FEM1C: variants seen among roughly 807,000 people sequenced by gnomAD.
FEM1C encodes protein fem-1 homolog C.
Under a neutral mutation model 37.6 loss-of-function variants are expected in FEM1C, and 15 were observed. The observed-to-expected ratio is 0.40, with a 90% CI of 0.27 to 0.61. The LOEUF (loss-of-function observed/expected upper bound fraction) is 0.61. Ranked by LOEUF, FEM1C falls within the 20% of genes least tolerant of loss-of-function variation. The pLI, the probability that FEM1C is intolerant of heterozygous loss-of-function variation, is 0.42. For missense variants in FEM1C, 532 were observed against 749.7 expected (o/e 0.71, Z 3.39); for synonymous variants, 287 against 272.8 (o/e 1.05, Z -0.51).
Position 115,524,519 on chromosome 5 carries a change from A to G in FEM1C, c.1643T>C (p.Ile548Thr). Residue 548 changes from isoleucine to threonine, a missense_variant, in exon 3 of 3, where the codon ATT (isoleucine) becomes ACT (threonine). Coordinates refer to ENST00000274457, the MANE Select transcript of FEM1C (RefSeq NM_020177.3). ...NNHPDIMNLL[I>T]KSGAHFDATN... ...GGCATCAAAATGTGCACCTGATTTAATAAGGAGATTCATGATGTCTGGATG... is the reference window on the plus strand; with the variant it reads ...GGCATCAAAATGTGCACCTGATTTAGTAAGGAGATTCATGATGTCTGGATG... The G allele has an allele frequency of 6.2e-7, 1 of 1,613,282 alleles. No homozygotes were observed. The highest frequency in any genetic ancestry group is 8.5e-7 in the Non-Finnish European group (1 of 1,179,592).
intron 2 of FEM1C, among the ~76,000 whole-genome samples, chr5:115,531,395 T>C (rs1408093757): frequency 3.9e-5 from 6 of 152,168 alleles, no homozygotes; most frequent in Admixed American, 3.9e-4. Flanking sequence ...AAGAAATCTA[T>C]AGTTTCAGAA....
At chr5:115,527,601 C>T (rs1753921267) in intron 2 of FEM1C, among the ~76,000 whole-genome samples, 1 of 152,218 alleles carries the variant, frequency 6.6e-6, no homozygotes, top group South Asian at 2.1e-4. Flanking sequence ...CTCTACTATT[C>T]CCCATGTTTT....
chr5:115,543,698 A>C lies in FEM1C; in HGVS notation c.-190-15T>G. On this transcript the variant is annotated splice_polypyrimidine_tract_variant and intron_variant, in intron 1 of 2. Transcript: ENST00000274457. ...AGGGCACCAAACTAGAGAAAGAAAA[A>C]AAAAGTAGCAGCATTTAATTTTCTA... The C allele has an allele frequency of 7.4e-7, 1 of 1,348,852 alleles. No individual in the cohort carries two copies. Among genetic ancestry groups the C allele is most frequent in the East Asian group, 2.8e-5 (1 of 35,366 alleles). 83.6% of individuals were successfully genotyped at this position (1,348,852 alleles called of 1,614,324 possible).
At position 115,525,575 on chromosome 5, in the gene FEM1C, T is replaced by C; in HGVS notation, c.587A>G (p.Asp196Gly). 1.2e-6 allele frequency: 2 copies of C among 1,613,460 alleles called. No individual in the cohort carries two copies. Among genetic ancestry groups the C allele is most frequent in the Non-Finnish European group, 8.5e-7 (1 of 1,179,700 alleles). The stretch of plus-strand genomic sequence containing the variant: ...ATACATAAGAAGCATCTTCATGATG[T>C]CCAAACTTCCAGATTCTGCACAATC... Reference protein sequence around the residue: ...LHDCAESGSLDIMKMLLMYCA... With the variant: ...LHDCAESGSLGIMKMLLMYCA... The change falls in exon 3 of 3, where the codon GAC (aspartate) becomes GGC (glycine). Residue 196 changes from aspartate to glycine, a missense_variant. Around this residue, in one of 3 missense-constraint regions of FEM1C, gnomAD observed 221 missense variants for 404.1 expected, o/e 0.55. Coordinates refer to ENST00000274457, the MANE Select transcript of FEM1C (RefSeq NM_020177.3).
intron 2 of FEM1C, among the ~76,000 whole-genome samples, chr5:115,526,313 G>C (rs185095034): frequency 1.3e-5 from 2 of 152,212 alleles, no homozygotes; most frequent in East Asian, 3.9e-4. Flanking sequence ...AAAAGCTCTC[G>C]TAAGAAAAAC....
At chr5:115,536,764 G>A (rs979984592) in intron 2 of FEM1C, among the ~76,000 whole-genome samples, 8 of 151,882 alleles carry the variant, frequency 5.3e-5, no homozygotes, top group African/African-American at 1.9e-4. Context: ...TTAATTCTTT[G>A]TATAAGGCAC....
chr5:115,528,842 G>A (rs768344285), intron 2 of FEM1C, among the ~76,000 whole-genome samples: 14 of 152,016 alleles, frequency 9.2e-5, no homozygotes, highest in South Asian at 4.1e-4. Flanking sequence ...TAGCATATTC[G>A]AGGAGTTTTT....
At chr5:115,539,952 A>C (rs1398684555) in intron 2 of FEM1C, among the ~76,000 whole-genome samples, 1 of 152,162 alleles carries the variant, frequency 6.6e-6, no homozygotes, top group Non-Finnish European at 1.5e-5. Flanking sequence ...GGAATGTAGA[A>C]GTCACATGCA....
chr5:115,530,103 C>G (rs1012214299), intron 2 of FEM1C, among the ~76,000 whole-genome samples: 1 of 151,888 alleles, frequency 6.6e-6, no homozygotes, highest in Non-Finnish European at 1.5e-5. Flanking sequence ...AAGACAAAAA[C>G]TGTCAGACTG....
At position 115,525,104 on chromosome 5, in the gene FEM1C, T is replaced by C. The variant is rs1753862098; in HGVS notation, c.1058A>G (p.Asn353Ser). ...CCATAGGTTGATGCATCGTTTGAAA[T>C]TTCCAGAGTCTGCATAGACAGCGCC... is the stretch of plus-strand genomic sequence containing the variant. ...YRGAVYADSG[N>S]FKRCINLWKY... Residue 353 changes from asparagine to serine, a missense_variant, in exon 3 of 3, where the codon AAT becomes AGT. Asn to Ser is a conservative substitution (Grantham distance 46). This residue lies in a region of FEM1C where 221 missense variants were observed against 404.1 expected (regional missense o/e 0.55). Transcript: ENST00000274457. 3 of 1,613,710 alleles carry C rather than the reference T, an allele frequency of 1.9e-6. No homozygotes were observed. The highest frequency in any genetic ancestry group is 1.3e-5 in the African/African-American group (1 of 74,880).
rs542284539 is a variant in FEM1C, at chr5:115,521,429, G to C, written c.*2879C>G. The C allele has an allele frequency of 6.6e-6, 1 of 151,782 alleles. No individual in the cohort carries two copies. The highest frequency in any genetic ancestry group is 2.1e-4 in the South Asian group (1 of 4,824). The allele number at this position is 151,782 out of a possible 1,614,324, so 9.4% of individuals were successfully genotyped here. A position where few individuals can be genotyped will look rare whatever the true frequency, so the allele number is the denominator to read the frequency against. On this transcript the variant is annotated 3_prime_UTR_variant, in exon 3 of 3. Coordinates refer to ENST00000274457, the MANE Select transcript of FEM1C (RefSeq NM_020177.3). ...TATCACTTAACTTCAAATTCATAAT[G>C]GGCACCAAATTATCTTTGATTTGGG...
chr5:115,539,171 T>C (rs1754189102), intron 2 of FEM1C, among the ~76,000 whole-genome samples: 1 of 152,070 alleles, frequency 6.6e-6, no homozygotes, highest in Non-Finnish European at 1.5e-5. Context: ...GGACAGAATG[T>C]CTTCTAGAGC....
rs535347898 is a variant in FEM1C at position 115,521,282 on chromosome 5, G to C, written c.*3026C>G. The C allele has an allele frequency of 6.6e-6, 1 of 151,660 alleles. No individual in the cohort carries two copies. The highest frequency in any genetic ancestry group is 1.5e-5 in the Non-Finnish European group (1 of 67,652). 9.4% of individuals were successfully genotyped at this position (151,660 alleles called of 1,614,324 possible). On this transcript the variant is annotated 3_prime_UTR_variant, in exon 3 of 3. Transcript: ENST00000274457. ...TATCATACCTGTAAATTCAGCCTAA[G>C]GTTTCTGTTGGGCAATATGATTTTT...
intron 1 of FEM1C, chr5:115,543,979 T>A: frequency 1.0e-6 from 1 of 985,460 alleles, no homozygotes; most frequent in Non-Finnish European, 1.2e-6. Context: ...GTTCTAGTTT[T>A]GCTTTGCACA....
intron 2 of FEM1C, among the ~76,000 whole-genome samples, chr5:115,538,703 A>G (rs900542144): frequency 1.3e-5 from 2 of 152,042 alleles, no homozygotes; most frequent in African/African-American, 4.8e-5. Flanking sequence ...TCCTGTACCT[A>G]GATTAAATGT....
Position 115,520,962 on chromosome 5 carries a change from T to C in FEM1C, c.*3346A>G, listed in dbSNP as rs911831498. 1.3e-5 allele frequency: 2 copies of C among 152,004 alleles called. No homozygotes were observed. Among genetic ancestry groups the C allele is most frequent in the Non-Finnish European group, 3.0e-5 (2 of 67,670 alleles). 9.4% of individuals were successfully genotyped at this position (152,004 alleles called of 1,614,324 possible). On this transcript the variant is annotated 3_prime_UTR_variant, in exon 3 of 3. Coordinates refer to ENST00000274457, the MANE Select transcript of FEM1C (RefSeq NM_020177.3). Reference sequence around the variant, plus strand: ...TACAATGAATGTTGTGGCATATGATTTTCCATTGTGTGACAATTTATTAGC... The same window carrying C: ...TACAATGAATGTTGTGGCATATGATCTTCCATTGTGTGACAATTTATTAGC...
intron 2 of FEM1C, among the ~76,000 whole-genome samples, chr5:115,539,828 T>A (rs1334153145): frequency 6.6e-6 from 1 of 152,034 alleles, no homozygotes; most frequent in Non-Finnish European, 1.5e-5. Context: ...GCTCTCTCAA[T>A]TAGTGAATTC....
Position 115,543,590 on chromosome 5 carries a change from C to G in FEM1C, c.-97G>C, listed in dbSNP as rs1754288254. The G allele has an allele frequency of 6.7e-7, 1 of 1,496,224 alleles. No homozygotes were observed. The highest frequency in any genetic ancestry group is 2.3e-5 in the East Asian group (1 of 44,070). The allele number at this position is 1,496,224 out of a possible 1,614,324, so 92.7% of individuals were successfully genotyped here. ...GGCAAGAGTCACAGGAACCAAAGTC[C>G]AATGTTAATTGCTGCACCCCAGAAC... On this transcript the variant is annotated 5_prime_UTR_variant, in exon 2 of 3. Coordinates refer to ENST00000274457, the MANE Select transcript of FEM1C (RefSeq NM_020177.3).
Position 115,522,372 on chromosome 5 carries a change from G to A in FEM1C, c.*1936C>T, listed in dbSNP as rs1753793903. 1 of 151,858 alleles carries A rather than the reference G, an allele frequency of 6.6e-6. No individual in the cohort carries two copies. Among genetic ancestry groups the A allele is most frequent in the South Asian group, 2.1e-4 (1 of 4,828 alleles). 9.4% of individuals were successfully genotyped at this position (151,858 alleles called of 1,614,324 possible). A position where few individuals can be genotyped will look rare whatever the true frequency, so the allele number is the denominator to read the frequency against. ...TAAAGTATTCTTAATATATGTGACA[G>A]TTCAAATATTTCATCAAATTTTCCC... On this transcript the variant is annotated 3_prime_UTR_variant, in exon 3 of 3. Coordinates refer to ENST00000274457, the MANE Select transcript of FEM1C (RefSeq NM_020177.3).
Sources: gnomAD v4.1 joint callset for allele counts (sites outside exome capture counted in the v4.1 genomes callset) on GRCh38, gnomAD v4.1.1 for gene constraint, gnomAD v4.1.1 regional missense constraint, MANE v1.5 for transcripts, NCBI Gene and HGNC (gene_info 2026-07-23, HGNC 2026-07-21) for gene names.